TMC5: variants seen among roughly 807,000 people sequenced by gnomAD.
TMC5 encodes transmembrane channel like 5.
TMC5 carries 86 observed loss-of-function variants against 110.5 expected under a neutral mutation model. The observed-to-expected ratio is 0.78, with a 90% confidence interval of 0.65 to 0.93. The LOEUF (loss-of-function observed/expected upper bound fraction) is 0.93, where lower values mean the gene tolerates loss of function less well. TMC5 is among the 40% of genes least tolerant of loss of function. The pLI, the probability that TMC5 is intolerant of heterozygous loss-of-function variation, is 0.00. For missense variants in TMC5, 1,144 were observed against 1,222.8 expected, an observed-to-expected ratio of 0.94 and a Z score of 0.96; for synonymous variants, 455 against 439.5, an observed-to-expected ratio of 1.04 and a Z score of -0.44.
intron 2 of TMC5, among the ~76,000 whole-genome samples, chr16:19,438,028 C>T (rs2143451338): frequency 6.6e-6 from 1 of 152,296 alleles, no homozygotes; most frequent in South Asian, 2.1e-4. Context: ...TCAGCCCTTC[C>T]TGAATCACCT....
chr16:19,464,375 G>T (rs973853994), intron 8 of TMC5, among the ~76,000 whole-genome samples: 5 of 152,298 alleles, frequency 3.3e-5, no homozygotes, highest in East Asian at 1.9e-4. Flanking sequence ...AGTGAAGCAA[G>T]ATTCCCCCAC....
chr16:19,474,369 T>C (rs1968434710), intron 12 of TMC5, 93 bp downstream of exon 12: 1 of 1,417,468 alleles, frequency 7.1e-7, no homozygotes, highest in South Asian at 1.4e-5. Flanking sequence ...TATCAAAGTT[T>C]TTTCTCCAGA....
intron 17 of TMC5, chr16:19,487,808 A>G (rs1362831978): frequency 1.3e-5 from 2 of 152,220 alleles, no homozygotes; most frequent in Non-Finnish European, 2.9e-5. Context: ...CACTAAAAAG[A>G]TAGTTTATTA....
At position 19,495,183 on chromosome 16, in the gene TMC5, T is replaced by G. The variant is rs1454713720; in HGVS notation, c.2931+817T>G. On this transcript the variant is annotated intron_variant, in intron 20 of 21. Transcript: ENST00000542583. ...GCGCCCGCCACTACGCCCGGCTAATTTTTTGTATTTTTAGTAGAGACGGGG... is the reference window on the plus strand; with the variant it reads ...GCGCCCGCCACTACGCCCGGCTAATGTTTTGTATTTTTAGTAGAGACGGGG... Among the ~76,000 whole-genome samples the G allele has an allele frequency of 2.8e-5, 2 of 70,730 alleles. 1 individual carries two copies. The highest frequency in any genetic ancestry group is 7.6e-5 in the African/African-American group (2 of 26,332). The allele number at this position is 70,730 out of a possible 152,430, so 46.4% of individuals were successfully genotyped here. A position where few individuals can be genotyped will look rare whatever the true frequency, so the allele number is the denominator to read the frequency against.
At chr16:19,411,095 C>T (rs1966854774) in exon 1 of TMC5, 1 of 152,300 alleles carries the variant, frequency 6.6e-6, no homozygotes, top group Non-Finnish European at 1.5e-5. Flanking sequence ...CCGCCGCCTT[C>T]GTGCAGCCCG....
chr16:19,472,443 G>A (rs1968368265), intron 11 of TMC5, among the ~76,000 whole-genome samples, 200 bp downstream of exon 11: 2 of 152,152 alleles, frequency 1.3e-5, no homozygotes, highest in African/African-American at 4.8e-5. Context: ...GGCCGAGGCA[G>A]GAGGATCACC....
intron 15 of TMC5, among the ~76,000 whole-genome samples, chr16:19,483,075 G>A (rs1044002977): frequency 1.3e-5 from 2 of 151,948 alleles, no homozygotes; most frequent in African/African-American, 4.8e-5. Flanking sequence ...TGGCCAGACT[G>A]GTTTTGAGCT....
chr16:19,467,857 T>C (rs1968229202), intron 9 of TMC5, among the ~76,000 whole-genome samples: 1 of 152,132 alleles, frequency 6.6e-6, no homozygotes, highest in African/African-American at 2.4e-5. Context: ...GACTTCAACA[T>C]ACGAATTTTG....
At chr16:19,413,453 G>A (rs1233194016), upstream of TMC5, among the ~76,000 whole-genome samples, 2 of 146,256 alleles carry the variant, frequency 1.4e-5, no homozygotes, top group Non-Finnish European at 3.0e-5. Context: ...GAGCCCGGGA[G>A]GCAGAGATTG....
intron 14 of TMC5, among the ~76,000 whole-genome samples, chr16:19,479,832 G>A (rs1173086287): frequency 1.3e-5 from 2 of 151,686 alleles, no homozygotes; most frequent in Non-Finnish European, 2.9e-5. Context: ...AGTGGCTCAC[G>A]CCTGTAATCC....
At chr16:19,456,815 C>CT in intron 5 of TMC5, 1 of 1,614,180 alleles carries the variant, frequency 6.2e-7, no homozygotes, top group Non-Finnish European at 8.5e-7. Context: ...AAAGGTGCTG[C>CT]TAGACTCAAG....
chr16:19,432,012 G>A (rs1185194070), intron 2 of TMC5, among the ~76,000 whole-genome samples: 1 of 152,170 alleles, frequency 6.6e-6, no homozygotes, highest in African/African-American at 2.4e-5. Flanking sequence ...GAGTGTCTGG[G>A]TTTCGTGAGA....
chr16:19,491,453 T>A (rs1339109267), intron 18 of TMC5, among the ~76,000 whole-genome samples: 2 of 151,590 alleles, frequency 1.3e-5, no homozygotes, highest in Non-Finnish European at 2.9e-5. Context: ...GCCACTGCAC[T>A]CCAGCCTGGG....
chr16:19,434,327 CT>C (rs1224616870), intron 2 of TMC5, among the ~76,000 whole-genome samples: 3 of 106,416 alleles, frequency 2.8e-5, no homozygotes, highest in African/African-American at 1.1e-4. Flanking sequence ...TAATATAGAT[CT>C]ATATATAATA....
At chr16:19,482,146 G>A (rs1316928328) in intron 15 of TMC5, among the ~76,000 whole-genome samples, 1 of 152,072 alleles carries the variant, frequency 6.6e-6, no homozygotes, top group South Asian at 2.1e-4. Context: ...TGCAACCTCC[G>A]CCTCCTAGGT....
chr16:19,441,538 C>G, intron 3 of TMC5, among the ~76,000 whole-genome samples: 1 of 151,900 alleles, frequency 6.6e-6, no homozygotes. Flanking sequence ...CCAGGCTAGT[C>G]TTGAAGAAGG....
rs150288299 is a variant in TMC5, at chr16:19,497,944, A to G, written c.2999A>G (p.Gln1000Arg). 66 of 1,614,030 alleles carry G rather than the reference A, an allele frequency of 4.1e-5. No homozygotes were observed. The African/African-American group carries it at 6.7e-4, about 16-fold the overall frequency. Reference protein sequence around the residue: ...SLDLRSRRSVQEGNPRA With the variant: ...SLDLRSRRSVREGNPRA ...GACTTGCGATCTAGAAGATCAGTTC[A>G]AGAAGGTAATCCAAGGGCCTGATGA... Residue 1000 changes from glutamine to arginine, a missense_variant, in exon 22 of 22, where the codon CAA becomes CGA. Transcript: ENST00000542583.
At chr16:19,486,865 C>T in intron 15 of TMC5, 80 bp from the exon 16 acceptor site, 1 of 1,283,186 alleles carries the variant, frequency 7.8e-7, no homozygotes, top group Non-Finnish European at 1.1e-6. Flanking sequence ...TCTTCTTTCT[C>T]TTCCCCCCAA....
intron 8 of TMC5, among the ~76,000 whole-genome samples, chr16:19,464,684 G>A (rs1052457419): frequency 6.6e-6 from 1 of 151,580 alleles, no homozygotes; most frequent in Non-Finnish European, 1.5e-5. Context: ...TCTTGTGTTG[G>A]TGTTTATAGA....
Sources: gnomAD v4.1 joint callset for allele counts (sites outside exome capture counted in the v4.1 genomes callset) on GRCh38, gnomAD v4.1.1 for gene constraint, MANE v1.5 for transcripts, NCBI Gene and HGNC (gene_info 2026-07-23, HGNC 2026-07-21) for gene names.